The following HEATR4 variants were observed in gnomAD, a reference collection of about 807,000 sequenced individuals.
HEATR4 encodes the protein HEAT repeat containing 4.
A neutral mutation model predicts 108.8 loss-of-function variants in HEATR4; 95 were observed. The observed-to-expected ratio is 0.87, with a 90% CI of 0.74 to 1.04. The LOEUF (loss-of-function observed/expected upper bound fraction) is 1.04. Among genes scored for constraint, HEATR4 ranks in the 50% least tolerant of loss-of-function variants. HEATR4 has a pLI of 0.00. For missense variants in HEATR4, 1,152 were observed against 1,253.8 expected, an observed-to-expected ratio of 0.92 and a Z score of 1.23; for synonymous variants, 443 against 459.4, an observed-to-expected ratio of 0.96 and a Z score of 0.46.
intron 17 of HEATR4, chr14:73,491,918 C>T: frequency 6.2e-7 from 1 of 1,613,330 alleles, no homozygotes; most frequent in Non-Finnish European, 8.5e-7. Context: ...TCTCCTCTGT[C>T]CGCAGGCTTT....
the HEATR4 span, chr14:73,612,764 G>C: frequency 1.5e-6 from 2 of 1,369,452 alleles, no homozygotes; most frequent in Non-Finnish European, 1.9e-6. Flanking sequence ...CCTGGAGCGC[G>C]CGCCCGCGCT....
intron 1 of HEATR4, among the ~76,000 whole-genome samples, chr14:73,547,545 C>G (rs1489766908): frequency 8.7e-6 from 1 of 114,580 alleles, no homozygotes; most frequent in Non-Finnish European, 1.9e-5. Flanking sequence ...CACAACATAA[C>G]CAATACCCAA....
chr14:73,525,953 TAAAA>T (rs59834256), intron 2 of HEATR4, among the ~76,000 whole-genome samples: 3 of 144,562 alleles, frequency 2.1e-5, no homozygotes, highest in Non-Finnish European at 3.0e-5. Flanking sequence ...ACTCCTTATT[TAAAA>T]AAAAAAAAAA....
the HEATR4 span, among the ~76,000 whole-genome samples, chr14:73,629,625 A>G: frequency 6.6e-6 from 1 of 151,766 alleles, no homozygotes; most frequent in African/African-American, 2.4e-5. Flanking sequence ...ATGTAGCTTC[A>G]CAACCCAAGG....
At chr14:73,501,410 C>A (rs1886451844) in intron 11 of HEATR4, among the ~76,000 whole-genome samples, 1 of 151,872 alleles carries the variant, frequency 6.6e-6, no homozygotes, top group Admixed American at 6.6e-5. Flanking sequence ...CAGGCATGAG[C>A]CACCGCGCCC....
At chr14:73,528,403 A>AAC (rs1555393608) in intron 2 of HEATR4, among the ~76,000 whole-genome samples, 2 of 151,738 alleles carry the variant, frequency 1.3e-5, no homozygotes, top group East Asian at 1.9e-4. Flanking sequence ...AAAAAAAAAA[A>AAC]AAAAAAAAAA....
chr14:73,585,870 G>C, the HEATR4 span, among the ~76,000 whole-genome samples: 2 of 141,986 alleles, frequency 1.4e-5, no homozygotes, highest in African/African-American at 5.4e-5. Context: ...CCCTAGGCTG[G>C]AGTGCAGCAG....
the HEATR4 span, among the ~76,000 whole-genome samples, chr14:73,603,726 T>TTTTTC: frequency 1.3e-5 from 2 of 151,280 alleles, no homozygotes; most frequent in Admixed American, 6.6e-5. Context: ...GAAGTGCTTA[T>TTTTTC]TTTTCTTTTC....
intron 14 of HEATR4, among the ~76,000 whole-genome samples, chr14:73,497,437 A>G (rs960177048): frequency 5.3e-5 from 8 of 152,182 alleles, no homozygotes; most frequent in Non-Finnish European, 1.2e-4. Context: ...CCACAACCCT[A>G]TAATGTAGAC....
chr14:73,590,754 AC>A, the HEATR4 span, among the ~76,000 whole-genome samples: 3 of 151,478 alleles, frequency 2.0e-5, no homozygotes, highest in Non-Finnish European at 2.9e-5. Flanking sequence ...GCCCACGCCC[AC>A]CCGGGACTCG....
At chr14:73,590,491 C>G in the HEATR4 span, among the ~76,000 whole-genome samples, 3 of 152,350 alleles carry the variant, frequency 2.0e-5, no homozygotes, top group Middle Eastern at 3.4e-3. Flanking sequence ...CTTCTCAGCC[C>G]TTGGGCGGTC....
upstream of HEATR4, among the ~76,000 whole-genome samples, chr14:73,562,107 T>C (rs1889538185): frequency 6.6e-6 from 1 of 151,906 alleles, no homozygotes; most frequent in African/African-American, 2.4e-5. Context: ...GTACCTAAAG[T>C]AGTCAAATTC....
In HEATR4 at chr14:73,556,512, T is replaced by A. The variant is rs1273533448; in HGVS notation, c.-152+2239A>T. Among the ~76,000 whole-genome samples the A allele has an allele frequency of 2.7e-5, 3 of 113,166 alleles. 1 individual carries two copies. The highest frequency in any genetic ancestry group is 8.5e-5 in the African/African-American group (3 of 35,124). 74.2% of individuals were successfully genotyped at this position (113,166 alleles called of 152,430 possible). A position where few individuals can be genotyped will look rare whatever the true frequency, so the allele number is the denominator to read the frequency against. ...AAGAAGGAAGGGAACACATGATAGGTCTGTTTTGAAAAGGAATGGGGACAG... is the reference window on the plus strand; with the variant it reads ...AAGAAGGAAGGGAACACATGATAGGACTGTTTTGAAAAGGAATGGGGACAG... On this transcript the variant is annotated intron_variant, in intron 1 of 17. Transcript: ENST00000553558.
At chr14:73,601,114 C>T in the HEATR4 span, among the ~76,000 whole-genome samples, 1 of 151,944 alleles carries the variant, frequency 6.6e-6, no homozygotes, top group Admixed American at 6.6e-5. Context: ...GCACTCCAGC[C>T]TGGATGACAG....
chr14:73,592,389 G>A, the HEATR4 span: 3 of 1,550,410 alleles, frequency 1.9e-6, no homozygotes, highest in South Asian at 2.4e-5. Context: ...AGCGGGCCGG[G>A]TGCGCGCCAC....
intron 1 of HEATR4, among the ~76,000 whole-genome samples, chr14:73,549,290 CA>C (rs1350118830): frequency 8.8e-6 from 1 of 114,136 alleles, no homozygotes; most frequent in Admixed American, 9.9e-5. Context: ...GTGTGTATCT[CA>C]GGGGCGTCAG....
the HEATR4 span, among the ~76,000 whole-genome samples, chr14:73,629,080 A>C: frequency 6.6e-6 from 1 of 151,996 alleles, no homozygotes; most frequent in Non-Finnish European, 1.5e-5. Flanking sequence ...GAAAGAAAAA[A>C]AAATTGCCAC....
the HEATR4 span, chr14:73,612,716 C>CACGCGCGCTACCGTGCCG: frequency 3.6e-6 from 5 of 1,387,118 alleles, no homozygotes; most frequent in East Asian, 3.1e-5. Flanking sequence ...CTTCCGGGCC[C>CACGCGCGCTACCGTGCCG]ACGCGCGCTA....
chr14:73,505,640 G>T (rs532985245), intron 10 of HEATR4, among the ~76,000 whole-genome samples: 4 of 152,054 alleles, frequency 2.6e-5, no homozygotes, highest in Admixed American at 2.6e-4. Flanking sequence ...TGATCCACCT[G>T]CCTTGGCCTC....
Sources: allele counts gnomAD v4.1 joint callset (sites outside exome capture counted in the v4.1 genomes callset), GRCh38; gene constraint gnomAD v4.1.1; transcripts MANE v1.5; gene names NCBI Gene and HGNC (gene_info 2026-07-23, HGNC 2026-07-21).